The following ZNRF1 variants were observed in gnomAD, a reference collection of about 807,000 sequenced individuals.
The protein encoded by ZNRF1 is E3 ubiquitin-protein ligase ZNRF1.
A neutral mutation model predicts 18.4 loss-of-function variants in ZNRF1; 3 were observed. The ratio of observed to expected loss-of-function variants is 0.16; its 90% CI spans 0.07 to 0.42. ZNRF1 has a LOEUF of 0.42. Ranked by LOEUF, ZNRF1 falls within the 10% of genes least tolerant of loss-of-function variation. The pLI is 0.99. For synonymous variants in ZNRF1, 157 were observed against 144.2 expected (o/e 1.09, Z -0.64); for missense variants, 310 against 329.8 (o/e 0.94, Z 0.47).
At chr16:75,103,271 G>A (rs1329845421) in intron 2 of ZNRF1, among the ~76,000 whole-genome samples, 3 of 152,210 alleles carry the variant, frequency 2.0e-5, no homozygotes, top group Non-Finnish European at 2.9e-5. Context: ...GGGATGGTGA[G>A]CGGGGTCACT....
At chr16:75,000,986 A>G (rs1441733492) in intron 1 of ZNRF1, among the ~76,000 whole-genome samples, 3 of 152,186 alleles carry the variant, frequency 2.0e-5, no homozygotes, top group Non-Finnish European at 4.4e-5. Flanking sequence ...GGGATTTCCC[A>G]GGCTCCTAGC....
chr16:75,037,464 A>G (rs540831586), intron 1 of ZNRF1, among the ~76,000 whole-genome samples: 1 of 152,150 alleles, frequency 6.6e-6, no homozygotes, highest in East Asian at 1.9e-4. Context: ...CAGCCTCCCA[A>G]GTAGCTGGGA....
intron 1 of ZNRF1, among the ~76,000 whole-genome samples, chr16:75,023,726 G>A (rs1487568489): frequency 6.6e-6 from 1 of 151,860 alleles, no homozygotes; most frequent in Non-Finnish European, 1.5e-5. Context: ...GGTCACACCA[G>A]CCTGGGCCCC....
intron 1 of ZNRF1, among the ~76,000 whole-genome samples, chr16:75,053,238 T>C (rs1388643141): frequency 1.3e-5 from 2 of 152,132 alleles, no homozygotes; most frequent in African/African-American, 4.8e-5. Context: ...AAGGTGGGAA[T>C]AGAGGGTCAG....
At chr16:75,041,154 C>T (rs1428335287) in intron 1 of ZNRF1, among the ~76,000 whole-genome samples, 3 of 152,036 alleles carry the variant, frequency 2.0e-5, no homozygotes, top group Non-Finnish European at 2.9e-5. Context: ...TGTGTTTAAA[C>T]GTTTGAGAAA....
chr16:75,025,896 A>ATTT (rs1407822681), intron 1 of ZNRF1, among the ~76,000 whole-genome samples: 2 of 151,604 alleles, frequency 1.3e-5, no homozygotes, highest in African/African-American at 4.8e-5. Context: ...GGTGGGTGGG[A>ATTT]TTTTAAGTCA....
chr16:75,006,529 G>A (rs114555861), intron 1 of ZNRF1, among the ~76,000 whole-genome samples: 2 of 152,158 alleles, frequency 1.3e-5, no homozygotes, highest in African/African-American at 2.4e-5. Flanking sequence ...TCCACTTCCC[G>A]GGTTCAAGTG....
chr16:75,066,668 A>G (rs921626863), intron 1 of ZNRF1, among the ~76,000 whole-genome samples: 1 of 151,980 alleles, frequency 6.6e-6, no homozygotes, highest in Non-Finnish European at 1.5e-5. Flanking sequence ...ATGCCCGGCT[A>G]ATTTTTTGTA....
intron 1 of ZNRF1, among the ~76,000 whole-genome samples, chr16:75,082,331 G>C (rs1016360502): frequency 2.0e-4 from 30 of 152,140 alleles, no homozygotes; most frequent in African/African-American, 6.8e-4. Flanking sequence ...GAGGACCAAT[G>C]AATGGCCATA....
intron 2 of ZNRF1, among the ~76,000 whole-genome samples, chr16:75,097,065 G>A (rs750698812): frequency 6.6e-5 from 10 of 152,166 alleles, no homozygotes; most frequent in Non-Finnish European, 1.2e-4. Flanking sequence ...TAAGAGGGAG[G>A]GGGTTCGTTG....
At chr16:75,093,477 C>G in intron 1 of ZNRF1, 95 bp from the exon 2 acceptor site, 1 of 958,528 alleles carries the variant, frequency 1.0e-6, no homozygotes, top group Middle Eastern at 2.1e-4. Flanking sequence ...CACATTGACC[C>G]TGAGCCCACA....
Position 75,110,367 on chromosome 16 carries a change from A to C in ZNRF1, c.*2667A>C, listed in dbSNP as rs15819. On this transcript the variant is annotated 3_prime_UTR_variant, in exon 5 of 5. Coordinates refer to ENST00000335325, the MANE Select transcript of ZNRF1 (RefSeq NM_032268.5). ...AGAGAAGGTGAGGGAGCCGGCGAGC[A>C]GGTTCTACCCTCTCTGCTAAGGGCC... 0.38 allele frequency: 57,799 copies of C among 152,248 alleles called. 13,196 individuals are homozygous for C. The highest frequency in any genetic ancestry group is 0.51 in the Non-Finnish European group (34,787 of 68,046). 9.4% of individuals were successfully genotyped at this position (152,248 alleles called of 1,614,324 possible). A position where few individuals can be genotyped will look rare whatever the true frequency, so the allele number is the denominator to read the frequency against.
At chr16:75,016,693 G>T (rs908728569) in intron 1 of ZNRF1, among the ~76,000 whole-genome samples, 1 of 141,192 alleles carries the variant, frequency 7.1e-6, no homozygotes, top group South Asian at 2.3e-4. Flanking sequence ...CTGTCACCAT[G>T]CCTGGCTTTT....
At chr16:75,066,517 T>G (rs983187708) in intron 1 of ZNRF1, among the ~76,000 whole-genome samples, 1 of 152,236 alleles carries the variant, frequency 6.6e-6, no homozygotes, top group East Asian at 1.9e-4. Flanking sequence ...AATGGAAGAT[T>G]TTTTTGAGAC....
At chr16:75,009,823 A>G (rs2034970794) in intron 1 of ZNRF1, among the ~76,000 whole-genome samples, 3 of 151,642 alleles carry the variant, frequency 2.0e-5, no homozygotes, top group Non-Finnish European at 4.4e-5. Context: ...TTTTTTTAAT[A>G]GTAGCCATCT....
At chr16:75,052,573 A>G (rs1283300619) in intron 1 of ZNRF1, among the ~76,000 whole-genome samples, 1 of 152,166 alleles carries the variant, frequency 6.6e-6, no homozygotes, top group Non-Finnish European at 1.5e-5. Flanking sequence ...GTCCTCCTCC[A>G]GGTCAGCAGG....
At chr16:75,032,619 A>C (rs1449893879) in intron 1 of ZNRF1, among the ~76,000 whole-genome samples, 1 of 152,246 alleles carries the variant, frequency 6.6e-6, no homozygotes, top group African/African-American at 2.4e-5. Flanking sequence ...GACAAGTTAC[A>C]GAATGGGAGA....
At chr16:75,092,311 G>A (rs377128686) in intron 1 of ZNRF1, among the ~76,000 whole-genome samples, 2 of 152,100 alleles carry the variant, frequency 1.3e-5, no homozygotes, top group African/African-American at 2.4e-5. Context: ...TGGCAGAGGC[G>A]ATAGAAAATC....
intron 1 of ZNRF1, among the ~76,000 whole-genome samples, chr16:75,034,710 T>C (rs1204327628): frequency 1.3e-5 from 2 of 152,210 alleles, no homozygotes; most frequent in Non-Finnish European, 2.9e-5. Flanking sequence ...CACTGCAGCC[T>C]CTGCCCCCTG....
Sources: gnomAD v4.1 joint callset for allele counts (sites outside exome capture counted in the v4.1 genomes callset) on GRCh38, gnomAD v4.1.1 for gene constraint, MANE v1.5 for transcripts, NCBI Gene and HGNC (gene_info 2026-07-23, HGNC 2026-07-21) for gene names.